Variants in IPO13 observed in about 807,000 individuals in gnomAD.
IPO13 encodes the protein importin 13.
A neutral mutation model predicts 115.5 loss-of-function variants in IPO13; 28 were observed. The ratio of observed to expected loss-of-function variants is 0.24; its 90% CI spans 0.18 to 0.33. The LOEUF is 0.33. Ranked by LOEUF, IPO13 falls within the 10% of genes least tolerant of loss-of-function variation. The pLI, the probability that IPO13 is intolerant of heterozygous loss-of-function variation, is 1.00. For synonymous variants in IPO13, 414 were observed against 478.9 expected, an observed-to-expected ratio of 0.86 and a Z score of 1.77; for missense variants, 785 against 1,204.6, an observed-to-expected ratio of 0.65 and a Z score of 5.16.
chr1:43,967,838 G>T lies in IPO13; in HGVS notation c.*156G>T. ...AGGCCTGGGGGAAGGATGGGAGGAT[G>T]CTTGGACCCAGGCCTTGGGAGGGAA... On this transcript the variant is annotated 3_prime_UTR_variant, in exon 20 of 20. Coordinates refer to ENST00000372343, the MANE Select transcript of IPO13 (RefSeq NM_014652.4). The surrounding 1 kb of genome is among the most constrained non-coding windows in gnomAD (Gnocchi z 6.1). The T allele has an allele frequency of 1.4e-6, 1 of 704,260 alleles. No individual in the cohort carries two copies. 43.6% of individuals were successfully genotyped at this position (704,260 alleles called of 1,614,324 possible).
At position 43,947,592 on chromosome 1, in the gene IPO13, G is replaced by A. The variant is rs2085176197; in HGVS notation, c.-9G>A. The A allele has an allele frequency of 7.7e-7, 1 of 1,301,682 alleles. No individual in the cohort carries two copies. The highest frequency in any genetic ancestry group is 9.8e-7 in the Non-Finnish European group (1 of 1,015,284). 80.6% of individuals were successfully genotyped at this position (1,301,682 alleles called of 1,614,324 possible). A position where few individuals can be genotyped will look rare whatever the true frequency, so the allele number is the denominator to read the frequency against. ...CAGGGCCCACCTCCCTGCCAGGGAG[G>A]GAGCAAAGATGGAGCGGCGGGAGGA... is the stretch of plus-strand genomic sequence containing the variant. On this transcript the variant is annotated 5_prime_UTR_variant, in exon 1 of 20. Transcript: ENST00000372343.
rs2085247626 is a variant in IPO13 at position 43,956,294 on chromosome 1, T to G, written c.822-26T>G. On this transcript the variant is annotated intron_variant, in intron 2 of 19. Transcript: ENST00000372343. This position sits in a 1 kb window ranked among gnomAD's most constrained non-coding sequence, Gnocchi z 4.7. ...TGTGGGGTTGAGCAGAGAGCTCTGATGGATTTTCTCACCTCATGCCTCTAG... is the reference window on the plus strand; with the variant it reads ...TGTGGGGTTGAGCAGAGAGCTCTGAGGGATTTTCTCACCTCATGCCTCTAG... 1 of 1,613,464 alleles carries G rather than the reference T, an allele frequency of 6.2e-7. No individual in the cohort carries two copies. The highest frequency in any genetic ancestry group is 8.5e-7 in the Non-Finnish European group (1 of 1,179,576).
chr1:43,966,282 G>A lies in IPO13; in HGVS notation c.2398-293G>A. ...CGAGACATCTGGCCCTGATGGAGGG[G>A]GAGGGAAAGGTGTCTGGAACCCAAA... On this transcript the variant is annotated intron_variant, in intron 15 of 19. Coordinates refer to ENST00000372343, the MANE Select transcript of IPO13 (RefSeq NM_014652.4). The surrounding 1 kb of genome is among the most constrained non-coding windows in gnomAD (Gnocchi z 4.1). 1.9e-6 allele frequency: 1 copy of A among 521,884 alleles called. No individual in the cohort carries two copies. The highest frequency in any genetic ancestry group is 3.5e-6 in the Non-Finnish European group (1 of 287,128). The allele number at this position is 521,884 out of a possible 1,614,324, so 32.3% of individuals were successfully genotyped here.
rs2085326354 is a variant in IPO13, at chr1:43,966,569, C to T, written c.2398-6C>T. The T allele has an allele frequency of 1.9e-6, 3 of 1,614,018 alleles. No homozygotes were observed. In the South Asian group the frequency reaches 3.3e-5, roughly 18 times the overall value. On this transcript the variant is annotated splice_polypyrimidine_tract_variant and splice_region_variant and intron_variant, in intron 15 of 19. Transcript: ENST00000372343. This position sits in a 1 kb window ranked among gnomAD's most constrained non-coding sequence, Gnocchi z 4.1. ...GGGCTGGGCTTACCAGCTCCACCTC[C>T]TGCAGGCTCTGAAGCGGAAGCCAGA...
Position 43,958,734 on chromosome 1 carries a change from T to C in IPO13, c.1885-12T>C. The C allele has an allele frequency of 4.3e-6, 7 of 1,614,104 alleles. No individual in the cohort carries two copies. Among genetic ancestry groups the C allele is most frequent in the Non-Finnish European group, 5.9e-6 (7 of 1,180,004 alleles). On this transcript the variant is annotated splice_polypyrimidine_tract_variant and intron_variant, in intron 10 of 19. Coordinates refer to ENST00000372343, the MANE Select transcript of IPO13 (RefSeq NM_014652.4). This position sits in a 1 kb window ranked among gnomAD's most constrained non-coding sequence, Gnocchi z 6.3. ...CTGGGAGATCTGGAGCTTGGTTTGC[T>C]TCTCCCTGCAGCCCAATCCCTCCAA...
Position 43,958,423 on chromosome 1 carries a change from A to G in IPO13, c.1750-38A>G. ...ATTTTCCTTCCTACCCCACAACTAG[A>G]TGTGGCCAGGACTGACCATCCATGT... is the stretch of plus-strand genomic sequence containing the variant. On this transcript the variant is annotated intron_variant, in intron 9 of 19. Coordinates refer to ENST00000372343, the MANE Select transcript of IPO13 (RefSeq NM_014652.4). The surrounding 1 kb of genome is among the most constrained non-coding windows in gnomAD (Gnocchi z 6.3). 1.9e-6 allele frequency: 3 copies of G among 1,612,636 alleles called. No individual in the cohort carries two copies. Among genetic ancestry groups the G allele is most frequent in the Non-Finnish European group, 2.5e-6 (3 of 1,179,368 alleles).
At position 43,967,370 on chromosome 1, in the gene IPO13, T is replaced by C. The variant is rs1381800775; in HGVS notation, c.2669T>C (p.Phe890Ser). Residue 890 changes from phenylalanine (F) to serine (S), a missense_variant, in exon 19 of 20, where the codon TTC (phenylalanine) becomes TCC (serine). Physicochemically the swap from Phe to Ser is radical, Grantham distance 155 (BLOSUM62 -2). Around this residue, in one of 3 missense-constraint regions of IPO13, gnomAD observed 285 missense variants for 394.8 expected, o/e 0.72. Coordinates refer to ENST00000372343, the MANE Select transcript of IPO13 (RefSeq NM_014652.4). The surrounding 1 kb of genome is among the most constrained non-coding windows in gnomAD (Gnocchi z 6.1). ...SLMDCFADIL[F>S]ALNKHCFSLL... ...ATGGACTGCTTTGCCGATATCCTGT[T>C]CGCCCTGAACAAGCACTGCTTCAGC... 3 of 1,614,028 alleles carry C rather than the reference T, an allele frequency of 1.9e-6. No homozygotes were observed. Among genetic ancestry groups the C allele is most frequent in the Non-Finnish European group, 2.5e-6 (3 of 1,180,040 alleles).
In IPO13 at chr1:43,967,186, C is replaced by G; in HGVS notation, c.2614-129C>G. 1 of 1,151,270 alleles carries G rather than the reference C, an allele frequency of 8.7e-7. No homozygotes were observed. Among genetic ancestry groups the G allele is most frequent in the Non-Finnish European group, 1.3e-6 (1 of 782,946 alleles). 71.3% of individuals were successfully genotyped at this position (1,151,270 alleles called of 1,614,324 possible). ...GGATTGCTGTGGGGATCAGCTGGCT[C>G]TCAAAAAGCAGCGCTCACTGTGATG... On this transcript the variant is annotated intron_variant, in intron 18 of 19. Transcript: ENST00000372343. This position sits in a 1 kb window ranked among gnomAD's most constrained non-coding sequence, Gnocchi z 6.1.
intron 2 of IPO13, among the ~76,000 whole-genome samples, chr1:43,951,668 CTT>C (rs1367563286): frequency 3.3e-5 from 5 of 152,156 alleles, no homozygotes; most frequent in African/African-American, 1.2e-4. Flanking sequence ...CCTACTGAGA[CTT>C]TTGGTATGAG....
At chr1:43,961,136 A>T in intron 13 of IPO13, 30 bp from the exon 14 acceptor site, 1 of 1,610,302 alleles carries the variant, frequency 6.2e-7, no homozygotes, top group Non-Finnish European at 8.5e-7. Context: ...ACTGGGTCTC[A>T]GCTGACCAGC....
intron 7 of IPO13, 71 bp from the exon 8 acceptor site, chr1:43,957,906 T>C: frequency 6.8e-7 from 1 of 1,460,868 alleles, no homozygotes; most frequent in Non-Finnish European, 9.5e-7. Flanking sequence ...GAACTCTGCT[T>C]GCCTCAGAGA....
chr1:43,947,585 C>G lies in IPO13; in HGVS notation c.-16C>G, dbSNP rs773500894. On this transcript the variant is annotated 5_prime_UTR_variant, in exon 1 of 20. Coordinates refer to ENST00000372343, the MANE Select transcript of IPO13 (RefSeq NM_014652.4). The stretch of plus-strand genomic sequence containing the variant: ...GACAGATCAGGGCCCACCTCCCTGC[C>G]AGGGAGGGAGCAAAGATGGAGCGGC... The G allele has an allele frequency of 4.4e-5, 57 of 1,294,278 alleles. No individual in the cohort carries two copies. Among genetic ancestry groups the G allele is most frequent in the Non-Finnish European group, 1.1e-5 (11 of 1,010,134 alleles). 80.2% of individuals were successfully genotyped at this position (1,294,278 alleles called of 1,614,324 possible). A position where few individuals can be genotyped will look rare whatever the true frequency, so the allele number is the denominator to read the frequency against.
At chr1:43,963,966 A>G (rs1407058881) in intron 14 of IPO13, among the ~76,000 whole-genome samples, 1 of 152,152 alleles carries the variant, frequency 6.6e-6, no homozygotes, top group East Asian at 1.9e-4. Context: ...TTCTTCAGCT[A>G]TATGGAGTCC....
At chr1:43,960,493 C>T (rs897414450) in intron 12 of IPO13, among the ~76,000 whole-genome samples, 164 bp downstream of exon 12, 1 of 152,140 alleles carries the variant, frequency 6.6e-6, no homozygotes, top group African/African-American at 2.4e-5. Flanking sequence ...TTTAGAACTC[C>T]CCAATATCAT....
rs2085246451 is a variant in IPO13, at chr1:43,956,161, A to T, written c.822-159A>T. On this transcript the variant is annotated intron_variant, in intron 2 of 19. Coordinates refer to ENST00000372343, the MANE Select transcript of IPO13 (RefSeq NM_014652.4). This position sits in a 1 kb window ranked among gnomAD's most constrained non-coding sequence, Gnocchi z 4.7. ...TCTAAGGTTCTTCCCAACATTGGGA[A>T]CATCAAATCTGCCATGTAGACCCTG... 6.6e-6 allele frequency among the ~76,000 whole-genome samples: 1 copy of T among 152,108 alleles called. No individual in the cohort carries two copies. The highest frequency in any genetic ancestry group is 1.5e-5 in the Non-Finnish European group (1 of 68,012).
chr1:43,950,282 A>T, intron 2 of IPO13, 129 bp downstream of exon 2: 1 of 1,102,624 alleles, frequency 9.1e-7, no homozygotes, highest in Non-Finnish European at 1.3e-6. Flanking sequence ...TACAGCAAGG[A>T]ACCAAAGAAG....
rs781304505 is a variant in IPO13, at chr1:43,949,902, G to A, written c.570G>A (p.Val190=). 6.2e-7 allele frequency: 1 copy of A among 1,611,022 alleles called. No homozygotes were observed. The highest frequency in any genetic ancestry group is 2.2e-5 in the East Asian group (1 of 44,858). Residue 190 remains valine, a synonymous_variant, in exon 2 of 20, where the codon GTG becomes GTA. Transcript: ENST00000372343. ...TACCCCAGTACCGCAAAGGCCTGGT[G>A]CGGACCAGCCTGGCGGTGGAATGTG... ...SRLPQYRKGL[V]RTSLAVECGA... is the part of the protein sequence containing the mutation.
chr1:43,954,429 G>A (rs1044645770), intron 2 of IPO13, among the ~76,000 whole-genome samples: 8 of 152,148 alleles, frequency 5.3e-5, no homozygotes, highest in African/African-American at 7.2e-5. Flanking sequence ...CTCCCACCAA[G>A]GATATGAGGC....
chr1:43,957,837 G>A (rs2085261711), intron 7 of IPO13, 140 bp from the exon 8 acceptor site: 1 of 814,978 alleles, frequency 1.2e-6, no homozygotes, highest in Non-Finnish European at 2.0e-6. Context: ...GCATGCACAT[G>A]CATATGTCCT....
Sources: gnomAD v4.1 joint callset for allele counts (sites outside exome capture counted in the v4.1 genomes callset) on GRCh38, gnomAD v4.1.1 for gene constraint, gnomAD v4.1.1 regional missense constraint, Gnocchi (gnomAD v3.1) non-coding constraint, MANE v1.5 for transcripts, NCBI Gene and HGNC (gene_info 2026-07-23, HGNC 2026-07-21) for gene names.